The following GRIP1 variants were observed in gnomAD, a reference collection of about 807,000 sequenced individuals.
GRIP1 encodes glutamate receptor-interacting protein 1.
In GRIP1, 45 loss-of-function variants were observed where a neutral mutation model predicts 129.9. The observed-to-expected ratio is 0.35, with a 90% confidence interval of 0.27 to 0.44. The LOEUF (loss-of-function observed/expected upper bound fraction) is 0.44. Ranked by LOEUF, GRIP1 falls within the 20% of genes least tolerant of loss-of-function variation. GRIP1 has a pLI of 1.00. For synonymous variants in GRIP1, 530 were observed against 520.8 expected (o/e 1.02, Z -0.24); for missense variants, 1,196 against 1,396.8 (o/e 0.86, Z 2.29).
rs1215679309 is a variant in GRIP1, at chr12:66,565,760, T to C, written c.137-23810A>G. On this transcript the variant is annotated intron_variant, in intron 2 of 24. Transcript: ENST00000359742. ...TATTGATTCTTCCTATCCATGAGCATGGAATGTTTTTCCATTTGTTTGTGT... is the reference window on the plus strand; with the variant it reads ...TATTGATTCTTCCTATCCATGAGCACGGAATGTTTTTCCATTTGTTTGTGT... 2.6e-5 allele frequency among the ~76,000 whole-genome samples: 4 copies of C among 152,360 alleles called. No homozygotes were observed. The South Asian group carries it at 6.2e-4, about 24-fold the overall frequency.
intron 1 of GRIP1, among the ~76,000 whole-genome samples, chr12:66,856,972 C>T (rs1254608387): frequency 1.3e-5 from 2 of 152,092 alleles, no homozygotes; most frequent in Non-Finnish European, 2.9e-5. Flanking sequence ...TGGAACCAAC[C>T]CAAATGTCCA....
intron 7 of GRIP1, among the ~76,000 whole-genome samples, chr12:66,473,869 T>A (rs1248081054): frequency 1.3e-5 from 2 of 151,930 alleles, no homozygotes; most frequent in East Asian, 3.9e-4. Context: ...TCCATGAAGA[T>A]GAAGAAAAAC....
Position 66,541,797 on chromosome 12 carries a change from T to G in GRIP1, c.272+18A>C. On this transcript the variant is annotated intron_variant, in intron 3 of 24. Coordinates refer to ENST00000359742, the MANE Select transcript of GRIP1 (RefSeq NM_001366722.1). ...CACCCTGTGTTCCTTTCAGTAGATT[T>G]CCCCAAGAGGCAGTTACCTAGCAGC... The G allele has an allele frequency of 6.2e-7, 1 of 1,613,144 alleles. No homozygotes were observed. Among genetic ancestry groups the G allele is most frequent in the South Asian group, 1.1e-5 (1 of 91,068 alleles).
intron 16 of GRIP1, among the ~76,000 whole-genome samples, chr12:66,401,660 A>C (rs2057007617): frequency 6.7e-6 from 1 of 148,722 alleles, no homozygotes; most frequent in African/African-American, 2.5e-5. Flanking sequence ...ACACACATAT[A>C]TCTCCTCCTT....
chr12:66,787,711 G>A (rs909298972), intron 1 of GRIP1, among the ~76,000 whole-genome samples: 5 of 152,210 alleles, frequency 3.3e-5, no homozygotes, highest in African/African-American at 9.6e-5. Flanking sequence ...ATCTACCTGT[G>A]CCTTGATCTT....
chr12:66,428,348 T>C (rs934233818), intron 14 of GRIP1, among the ~76,000 whole-genome samples: 1 of 152,156 alleles, frequency 6.6e-6, no homozygotes, highest in Non-Finnish European at 1.5e-5. Context: ...CTCTTCTAAA[T>C]ATACTTTAAA....
At chr12:66,552,264 C>T (rs912724283) in intron 2 of GRIP1, among the ~76,000 whole-genome samples, 2 of 152,148 alleles carry the variant, frequency 1.3e-5, no homozygotes, top group African/African-American at 4.8e-5. Flanking sequence ...CAAAGTAGAA[C>T]TTAGAGCTAC....
At chr12:66,464,954 C>CTTTT (rs62769560) in intron 8 of GRIP1, among the ~76,000 whole-genome samples, 1 of 93,624 alleles carries the variant, frequency 1.1e-5, no homozygotes, top group Non-Finnish European at 2.7e-5. Flanking sequence ...TTCTTTCTTT[C>CTTTT]TTTTTTTTTT....
intron 1 of GRIP1, among the ~76,000 whole-genome samples, chr12:66,832,124 G>A (rs948315778): frequency 6.6e-6 from 1 of 152,148 alleles, no homozygotes; most frequent in Non-Finnish European, 1.5e-5. Flanking sequence ...TGTACACCTT[G>A]CTACTAAATC....
chr12:67,008,852 A>G (rs2042665144), intron 1 of GRIP1, among the ~76,000 whole-genome samples: 1 of 152,142 alleles, frequency 6.6e-6, no homozygotes, highest in Non-Finnish European at 1.5e-5. Flanking sequence ...AAAAATCCAT[A>G]TGCTTTCACT....
intron 23 of GRIP1, among the ~76,000 whole-genome samples, chr12:66,359,818 CAG>C (rs1319273774): frequency 6.6e-6 from 1 of 152,108 alleles, no homozygotes; most frequent in African/African-American, 2.4e-5. Context: ...ATGGGGAGCA[CAG>C]GGGGCTGTTC....
intron 1 of GRIP1, among the ~76,000 whole-genome samples, chr12:66,754,936 T>TAC (rs1419113266): frequency 2.6e-5 from 4 of 152,172 alleles, no homozygotes; most frequent in Admixed American, 6.5e-5. Flanking sequence ...TCCATTTCAC[T>TAC]ACACACAAAA....
In GRIP1 at chr12:66,445,848, ATTTTGTCTC is replaced by A. The variant is rs530507388; in HGVS notation, c.1355-349_1355-341del. Among the ~76,000 whole-genome samples the A allele has an allele frequency of 3.9e-5, 6 of 152,130 alleles. No individual in the cohort carries two copies. In the East Asian group the frequency reaches 1.2e-3, roughly 29 times the overall value. The stretch of plus-strand genomic sequence containing the variant: ...CAGCTGGGGAACCTTGGGGTAGGCC[ATTTTGTCTC>A]TTTGTGTGTCTATATCCTATCTAAG... On this transcript the variant is annotated intron_variant, in intron 11 of 24. Transcript: ENST00000359742.
intron 15 of GRIP1, among the ~76,000 whole-genome samples, chr12:66,417,599 G>T (rs1297892366): frequency 6.6e-6 from 1 of 152,074 alleles, no homozygotes; most frequent in African/African-American, 2.4e-5. Context: ...AAAGTTGCAG[G>T]CTTCAAAATA....
chr12:66,971,830 T>C (rs888542333), intron 1 of GRIP1, among the ~76,000 whole-genome samples: 9 of 152,092 alleles, frequency 5.9e-5, no homozygotes, highest in African/African-American at 1.9e-4. Flanking sequence ...TGTGAAGAAA[T>C]GTCACTTTGA....
At chr12:67,027,729 T>C (rs2042960765) in intron 1 of GRIP1, among the ~76,000 whole-genome samples, 1 of 152,114 alleles carries the variant, frequency 6.6e-6, no homozygotes, top group African/African-American at 2.4e-5. Flanking sequence ...GCAATAGAAC[T>C]AGTTCAGGGC....
intron 3 of GRIP1, among the ~76,000 whole-genome samples, chr12:66,539,545 CTTTTTTTTTT>C (rs35373698): frequency 8.4e-5 from 5 of 59,288 alleles, no homozygotes; most frequent in African/African-American, 3.2e-4. Context: ...TCAAGAGAAG[CTTTTTTTTTT>C]TTTTTTTTTT....
intron 1 of GRIP1, among the ~76,000 whole-genome samples, chr12:66,660,439 AATTG>A (rs1390438440): frequency 6.6e-6 from 1 of 152,164 alleles, no homozygotes; most frequent in Non-Finnish European, 1.5e-5. Flanking sequence ...ATTATCCTCT[AATTG>A]ATATTTAAAT....
At chr12:66,938,951 T>A (rs2041537550) in intron 1 of GRIP1, among the ~76,000 whole-genome samples, 1 of 151,030 alleles carries the variant, frequency 6.6e-6, no homozygotes, top group South Asian at 2.1e-4. Context: ...AGCAAGACTG[T>A]CTCAAAAGAA....
Sources: allele counts gnomAD v4.1 joint callset (sites outside exome capture counted in the v4.1 genomes callset), GRCh38; gene constraint gnomAD v4.1.1; transcripts MANE v1.5; gene names NCBI Gene and HGNC (gene_info 2026-07-23, HGNC 2026-07-21).